The following GREB1L variants were observed in gnomAD, a reference collection of about 807,000 sequenced individuals.
GREB1L encodes the protein GREB1 like retinoic acid receptor coactivator.
A neutral mutation model predicts 200.8 loss-of-function variants in GREB1L; 17 were observed. The observed-to-expected ratio is 0.08, with a 90% CI of 0.06 to 0.13. GREB1L has a LOEUF of 0.13. Ranked by LOEUF, GREB1L falls within the 10% of genes least tolerant of loss-of-function variation. GREB1L has a pLI of 1.00. For synonymous variants in GREB1L, 789 were observed against 893.0 expected (o/e 0.88, Z 2.08); for missense variants, 1,657 against 2,367.7 (o/e 0.70, Z 6.23).
At chr18:21,452,328 C>T in intron 14 of GREB1L, 111 bp downstream of exon 14, 1 of 1,054,474 alleles carries the variant, frequency 9.5e-7, no homozygotes, top group Non-Finnish European at 1.3e-6. Context: ...CCACAACAGC[C>T]TTTTCCTGAT....
At chr18:21,504,827 C>T (rs972270099) in intron 23 of GREB1L, among the ~76,000 whole-genome samples, 2 of 152,062 alleles carry the variant, frequency 1.3e-5, no homozygotes, top group Non-Finnish European at 1.5e-5. Context: ...GAAGGTGTGA[C>T]GCTGTAAGGG....
chr18:21,501,376 A>T (rs759412700), intron 23 of GREB1L, among the ~76,000 whole-genome samples: 19 of 151,898 alleles, frequency 1.3e-4, no homozygotes, highest in Non-Finnish European at 2.8e-4. Flanking sequence ...TAAGCCCCGC[A>T]TGCATTAGGT....
intron 1 of GREB1L, among the ~76,000 whole-genome samples, chr18:21,274,631 T>C (rs1171823265): frequency 1.3e-5 from 2 of 152,128 alleles, no homozygotes; most frequent in African/African-American, 2.4e-5. Context: ...CAATGACACA[T>C]GCCTGTAATC....
chr18:21,420,740 G>A (rs2032080293), intron 7 of GREB1L, among the ~76,000 whole-genome samples: 1 of 152,096 alleles, frequency 6.6e-6, no homozygotes, highest in South Asian at 2.1e-4. Flanking sequence ...TGCTTAAAAA[G>A]TTAAATATAT....
chr18:21,493,865 CAA>C (rs35758360), intron 19 of GREB1L, among the ~76,000 whole-genome samples: 17 of 38,508 alleles, frequency 4.4e-4, no homozygotes, highest in Admixed American at 2.7e-3. Context: ...GACCCTGTCT[CAA>C]AAAAAAAAAA....
intron 15 of GREB1L, among the ~76,000 whole-genome samples, chr18:21,464,561 AAAGTC>A (rs1166221631): frequency 5.1e-4 from 77 of 151,792 alleles, no homozygotes; most frequent in African/African-American, 1.8e-3. Context: ...AAAAAAAAAA[AAAGTC>A]AGGGAACAAA....
intron 1 of GREB1L, among the ~76,000 whole-genome samples, chr18:21,326,751 T>A (rs1343665073): frequency 2.0e-5 from 3 of 152,222 alleles, no homozygotes; most frequent in East Asian, 3.8e-4. Flanking sequence ...AAGTTCTCTT[T>A]GACCTGGATC....
intron 11 of GREB1L, among the ~76,000 whole-genome samples, chr18:21,446,285 A>G (rs1179906961): frequency 6.6e-6 from 1 of 152,202 alleles, no homozygotes; most frequent in African/African-American, 2.4e-5. Context: ...TTGGGCTCCC[A>G]AAGTTGGGAT....
intron 1 of GREB1L, among the ~76,000 whole-genome samples, chr18:21,297,501 A>C (rs564090156): frequency 6.6e-6 from 1 of 152,242 alleles, no homozygotes; most frequent in African/African-American, 2.4e-5. Context: ...TGATCAAAGG[A>C]TGTTATGTGT....
intron 2 of GREB1L, among the ~76,000 whole-genome samples, chr18:21,372,146 C>CTTTTT (rs1428080234): frequency 6.6e-6 from 1 of 150,396 alleles, no homozygotes; most frequent in African/African-American, 2.5e-5. Flanking sequence ...ACAAATTTGT[C>CTTTTT]TCTCTTTTTT....
intron 4 of GREB1L, among the ~76,000 whole-genome samples, chr18:21,385,855 A>G (rs1488381172): frequency 6.6e-6 from 1 of 152,194 alleles, no homozygotes; most frequent in Non-Finnish European, 1.5e-5. Context: ...CTAATTTTAT[A>G]CCAAAACATG....
chr18:21,518,355 T>G, intron 31 of GREB1L, 121 bp downstream of exon 31: 1 of 904,176 alleles, frequency 1.1e-6, no homozygotes, highest in South Asian at 1.8e-5. Context: ...GTCTGGTCCT[T>G]TGCCAGAACT....
At chr18:21,358,189 T>A (rs1052732247) in intron 1 of GREB1L, among the ~76,000 whole-genome samples, 2 of 151,078 alleles carry the variant, frequency 1.3e-5, no homozygotes, top group African/African-American at 4.8e-5. Context: ...TATTCCTAAA[T>A]TTTTTTTTTA....
chr18:21,468,347 G>A (rs1181690645), intron 15 of GREB1L, among the ~76,000 whole-genome samples: 2 of 152,128 alleles, frequency 1.3e-5, no homozygotes, highest in African/African-American at 4.8e-5. Flanking sequence ...AGTCTATAGA[G>A]ACACAAAGTA....
At chr18:21,483,874 G>A (rs2036016091) in intron 17 of GREB1L, among the ~76,000 whole-genome samples, 1 of 151,552 alleles carries the variant, frequency 6.6e-6, no homozygotes, top group Admixed American at 6.6e-5. Flanking sequence ...TGCTTGGGAG[G>A]CTGAGGCAGG....
At chr18:21,322,423 A>C (rs2038964687) in intron 1 of GREB1L, among the ~76,000 whole-genome samples, 1 of 152,142 alleles carries the variant, frequency 6.6e-6, no homozygotes, top group African/African-American at 2.4e-5. Flanking sequence ...GAAAACTTTA[A>C]AATGCTACTT....
At chr18:21,279,956 C>T (rs2038240269) in intron 1 of GREB1L, among the ~76,000 whole-genome samples, 1 of 151,996 alleles carries the variant, frequency 6.6e-6, no homozygotes, top group Non-Finnish European at 1.5e-5. Context: ...GTTTTGAACC[C>T]CTCTGCCAGT....
At chr18:21,300,067 A>T (rs1051487553) in intron 1 of GREB1L, among the ~76,000 whole-genome samples, 5 of 152,192 alleles carry the variant, frequency 3.3e-5, no homozygotes, top group African/African-American at 1.2e-4. Flanking sequence ...TCCTTAAAGA[A>T]TTCTTTATGG....
intron 7 of GREB1L, among the ~76,000 whole-genome samples, chr18:21,408,049 A>G (rs1263257587): frequency 6.6e-6 from 1 of 152,230 alleles, no homozygotes; most frequent in Non-Finnish European, 1.5e-5. Context: ...CTAGTGTTTG[A>G]TAGCAGAGCA....
Sources: gnomAD v4.1 joint callset for allele counts (sites outside exome capture counted in the v4.1 genomes callset) on GRCh38, gnomAD v4.1.1 for gene constraint, MANE v1.5 for transcripts, NCBI Gene and HGNC (gene_info 2026-07-23, HGNC 2026-07-21) for gene names.